Variants in CDC14A observed in about 807,000 individuals in gnomAD.
CDC14A encodes dual specificity protein phosphatase CDC14A.
CDC14A carries 53 observed loss-of-function variants against 74.4 expected under a neutral mutation model. The ratio of observed to expected loss-of-function variants is 0.71; its 90% CI spans 0.57 to 0.89. The LOEUF is 0.89. CDC14A is among the 40% of genes least tolerant of loss of function. The pLI, the probability that CDC14A is intolerant of heterozygous loss-of-function variation, is 0.00. For synonymous variants in CDC14A, 247 were observed against 258.4 expected (o/e 0.96, Z 0.43); for missense variants, 646 against 713.7 (o/e 0.91, Z 1.08).
intron 5 of CDC14A, among the ~76,000 whole-genome samples, chr1:100,429,196 T>G (rs2101093308): frequency 1.5e-4 from 2 of 13,792 alleles, no homozygotes; most frequent in Middle Eastern, 0.036. Context: ...AGAACAAGAC[T>G]CCATCTCAAA....
intron 15 of CDC14A, chr1:100,504,790 T>TAC: frequency 6.6e-7 from 1 of 1,521,126 alleles, no homozygotes; most frequent in Non-Finnish European, 8.8e-7. Flanking sequence ...ACCTTGCTTA[T>TAC]TCTCTTGTTT....
intron 4 of CDC14A, among the ~76,000 whole-genome samples, chr1:100,406,976 C>CT (rs1478225482): frequency 6.7e-6 from 1 of 150,252 alleles, no homozygotes; most frequent in Admixed American, 6.6e-5. Context: ...CCATTGCTTG[C>CT]TTTTTTCAGG....
At chr1:100,387,323 C>T (rs948032103) in intron 3 of CDC14A, among the ~76,000 whole-genome samples, 1 of 152,154 alleles carries the variant, frequency 6.6e-6, no homozygotes, top group Admixed American at 6.5e-5. Context: ...ACTTTGAATT[C>T]GTTTTGATTC....
chr1:100,376,444 T>G (rs1655276755), intron 2 of CDC14A, among the ~76,000 whole-genome samples: 2 of 152,164 alleles, frequency 1.3e-5, no homozygotes, highest in African/African-American at 4.8e-5. Context: ...CTACTGTGAT[T>G]GAGAGATTTA....
chr1:100,412,696 T>TTATATATA lies in CDC14A; in HGVS notation c.310-11506_310-11499dup, dbSNP rs139550432. On this transcript the variant is annotated intron_variant, in intron 4 of 15. Transcript: ENST00000336454. Reference sequence around the variant, plus strand: ...AAGGTGGGTGAACTTCCTGTATGTTTTATATATATATATATATATATATAT... The same window carrying TTATATATA: ...AAGGTGGGTGAACTTCCTGTATGTTTTATATATATATATATATATATATATATATATAT... Among the ~76,000 whole-genome samples the TTATATATA allele has an allele frequency of 1.0e-3, 76 of 74,104 alleles. 5 individuals are homozygous for TTATATATA. The highest frequency in any genetic ancestry group is 6.5e-3 in the African/African-American group (56 of 8,648). 48.6% of individuals were successfully genotyped at this position (74,104 alleles called of 152,430 possible). A position where few individuals can be genotyped will look rare whatever the true frequency, so the allele number is the denominator to read the frequency against.
intron 10 of CDC14A, among the ~76,000 whole-genome samples, chr1:100,477,619 A>G (rs1669041508): frequency 6.6e-6 from 1 of 152,110 alleles, no homozygotes; most frequent in African/African-American, 2.4e-5. Context: ...AAGAAAAAAG[A>G]AAAAAACAAG....
chr1:100,474,449 C>T (rs953536285), intron 10 of CDC14A, among the ~76,000 whole-genome samples: 5 of 152,072 alleles, frequency 3.3e-5, no homozygotes, highest in African/African-American at 9.7e-5. Flanking sequence ...GTGAAATTAT[C>T]TGGGCCTGGG....
chr1:100,389,306 A>G (rs188929756), intron 3 of CDC14A, among the ~76,000 whole-genome samples: 2 of 151,894 alleles, frequency 1.3e-5, no homozygotes, highest in African/African-American at 2.4e-5. Context: ...AAAAATACAA[A>G]AATTAGCCGG....
At chr1:100,424,043 A>T in intron 4 of CDC14A, 179 bp from the exon 5 acceptor site, 1 of 553,352 alleles carries the variant, frequency 1.8e-6, no homozygotes, top group Non-Finnish European at 3.3e-6. Flanking sequence ...GAGAAGACAA[A>T]GGCTGCTGCG....
intron 2 of CDC14A, among the ~76,000 whole-genome samples, chr1:100,376,084 T>C (rs1227982827): frequency 6.6e-6 from 1 of 150,588 alleles, no homozygotes; most frequent in Non-Finnish European, 1.5e-5. Flanking sequence ...CACTCATAGG[T>C]GGGAACTGAA....
At chr1:100,456,758 A>G (rs1666739285) in intron 8 of CDC14A, among the ~76,000 whole-genome samples, 1 of 152,170 alleles carries the variant, frequency 6.6e-6, no homozygotes, top group African/African-American at 2.4e-5. Flanking sequence ...TATGCTTATC[A>G]TTTCATACCT....
upstream of CDC14A, among the ~76,000 whole-genome samples, chr1:100,351,297 C>A (rs1390606303): frequency 6.6e-6 from 1 of 152,118 alleles, no homozygotes; most frequent in East Asian, 1.9e-4. Context: ...CGCCCCCTTT[C>A]TCCCTAGAGG....
At chr1:100,355,507 A>G (rs1651754552) in intron 2 of CDC14A, among the ~76,000 whole-genome samples, 1 of 152,228 alleles carries the variant, frequency 6.6e-6, no homozygotes, top group Admixed American at 6.5e-5. Context: ...ATTTTGGGAT[A>G]GGCCTACAAA....
intron 2 of CDC14A, among the ~76,000 whole-genome samples, chr1:100,356,225 T>G (rs1405815826): frequency 6.6e-6 from 1 of 152,182 alleles, no homozygotes; most frequent in Non-Finnish European, 1.5e-5. Flanking sequence ...TTGAGGGATT[T>G]GGGGCAGCCA....
intron 4 of CDC14A, among the ~76,000 whole-genome samples, chr1:100,395,316 G>C (rs980756455): frequency 2.0e-5 from 3 of 152,122 alleles, no homozygotes; most frequent in African/African-American, 7.2e-5. Flanking sequence ...AATTTATTGT[G>C]ACAAAACAGA....
intron 7 of CDC14A, among the ~76,000 whole-genome samples, chr1:100,454,604 T>C (rs1202239896): frequency 6.6e-6 from 1 of 152,156 alleles, no homozygotes. Flanking sequence ...TCTCTTAGCG[T>C]GTTTAGACTA....
At chr1:100,504,929 C>A in intron 15 of CDC14A, 1 of 1,530,416 alleles carries the variant, frequency 6.5e-7, no homozygotes, top group Non-Finnish European at 8.8e-7. Flanking sequence ...TTCTGTGAAG[C>A]TCTCCCCAGT....
In CDC14A at chr1:100,491,921, C is replaced by G. The variant is rs1445537788; in HGVS notation, c.1138-2897C>G. On this transcript the variant is annotated intron_variant, in intron 11 of 15. Transcript: ENST00000336454. The stretch of plus-strand genomic sequence containing the variant: ...ACCTCTGCCCTCGTGGTCGTCACCA[C>G]CGCAGCCACCCGAGAGGAGCTGGGG... Among the ~76,000 whole-genome samples the G allele has an allele frequency of 2.0e-5, 3 of 148,388 alleles. No individual in the cohort carries two copies. In the Admixed American group the frequency reaches 2.0e-4, roughly 10 times the overall value.
chr1:100,442,697 G>A (rs921794446), intron 6 of CDC14A, among the ~76,000 whole-genome samples: 1 of 151,900 alleles, frequency 6.6e-6, no homozygotes, highest in African/African-American at 2.4e-5. Flanking sequence ...TAGAAATCAA[G>A]GCATCTTTTG....
Sources: allele counts gnomAD v4.1 joint callset (sites outside exome capture counted in the v4.1 genomes callset), GRCh38; gene constraint gnomAD v4.1.1; transcripts MANE v1.5; gene names NCBI Gene and HGNC (gene_info 2026-07-23, HGNC 2026-07-21).